CUX2: variants seen among roughly 807,000 people sequenced by gnomAD.
CUX2 encodes cut like homeobox 2.
Under a neutral mutation model 144.8 loss-of-function variants are expected in CUX2, and 40 were observed. The ratio of observed to expected loss-of-function variants is 0.28; its 90% CI spans 0.21 to 0.36. The LOEUF is 0.36. Among genes scored for constraint, CUX2 ranks in the 10% least tolerant of loss-of-function variants. The probability of loss-of-function intolerance (pLI) is 1.00; values close to 1 mark genes in which losing one functional copy is unlikely to be tolerated. For synonymous variants in CUX2, 827 were observed against 875.6 expected (o/e 0.94, Z 0.98); for missense variants, 1,615 against 1,994.0 (o/e 0.81, Z 3.62).
chr12:111,196,945 G>T (rs531323117), intron 1 of CUX2, among the ~76,000 whole-genome samples: 1 of 152,262 alleles, frequency 6.6e-6, no homozygotes, highest in South Asian at 2.1e-4. Flanking sequence ...TAGGCGTGGG[G>T]CTCAGGGACT....
At chr12:111,254,727 A>T (rs60829203) in intron 3 of CUX2, among the ~76,000 whole-genome samples, 2 of 152,190 alleles carry the variant, frequency 1.3e-5, no homozygotes, top group African/African-American at 4.8e-5. Flanking sequence ...ACCCCTAAGG[A>T]TTCAAAATGA....
At chr12:111,172,284 C>T (rs546391174) in intron 1 of CUX2, among the ~76,000 whole-genome samples, 2 of 152,312 alleles carry the variant, frequency 1.3e-5, no homozygotes, top group South Asian at 2.1e-4. Flanking sequence ...TAAAAATAAA[C>T]ATTAAACAAT....
intron 3 of CUX2, among the ~76,000 whole-genome samples, chr12:111,249,770 T>C (rs1236824429): frequency 6.6e-6 from 1 of 152,090 alleles, no homozygotes; most frequent in Non-Finnish European, 1.5e-5. Context: ...GACCCTATTT[T>C]TTAGAGCAGT....
intron 1 of CUX2, among the ~76,000 whole-genome samples, chr12:111,155,668 C>A (rs999705693): frequency 6.6e-6 from 1 of 152,214 alleles, no homozygotes; most frequent in Admixed American, 6.5e-5. Flanking sequence ...ACAGCTCTGA[C>A]TGCCCGATTC....
chr12:111,347,405 G>T (rs1888850439), intron 21 of CUX2, 119 bp from the exon 22 acceptor site: 1 of 867,398 alleles, frequency 1.2e-6, no homozygotes, highest in Non-Finnish European at 1.8e-6. Context: ...AAGTATGGAG[G>T]CTTAGTGCCT....
At chr12:111,177,868 C>G (rs1878948112) in intron 1 of CUX2, among the ~76,000 whole-genome samples, 1 of 152,226 alleles carries the variant, frequency 6.6e-6, no homozygotes. Context: ...GTTTCCTCAT[C>G]TCTATAATGG....
chr12:111,142,529 G>GAA (rs200266878), intron 1 of CUX2, among the ~76,000 whole-genome samples: 28 of 107,212 alleles, frequency 2.6e-4, no homozygotes, highest in Middle Eastern at 5.2e-3. Context: ...GTCAGGGAAG[G>GAA]AAAAAAAAAA....
chr12:111,259,051 G>GTA (rs1315093070), intron 3 of CUX2, among the ~76,000 whole-genome samples: 2 of 150,748 alleles, frequency 1.3e-5, no homozygotes, highest in Non-Finnish European at 3.0e-5. Flanking sequence ...GTGTGTGTGT[G>GTA]TGTGTGTGTG....
At chr12:111,049,209 C>T (rs1181957427) in intron 1 of CUX2, among the ~76,000 whole-genome samples, 2 of 150,936 alleles carry the variant, frequency 1.3e-5, no homozygotes, top group South Asian at 4.2e-4. Flanking sequence ...ATTCATCCAT[C>T]CACGAATTCA....
rs546028847 is a variant in CUX2 at position 111,223,174 on chromosome 12, A to C, written c.222+5237A>C. Among the ~76,000 whole-genome samples the C allele has an allele frequency of 2.6e-5, 4 of 152,248 alleles. No individual in the cohort carries two copies. In the East Asian group the frequency reaches 7.7e-4, roughly 29 times the overall value. On this transcript the variant is annotated intron_variant, in intron 3 of 21. Coordinates refer to ENST00000261726, the MANE Select transcript of CUX2 (RefSeq NM_015267.4). ...CTGTGTGAGGACTGTTGCAGATCCA[A>C]AGATGGTGAGACACCATCCCTGCCC...
At chr12:111,286,356 G>A (rs1156447563) in intron 4 of CUX2, among the ~76,000 whole-genome samples, 1 of 152,200 alleles carries the variant, frequency 6.6e-6, no homozygotes, top group Non-Finnish European at 1.5e-5. Context: ...CAAGAGGTTA[G>A]CTTGGCCAGT....
At chr12:111,128,858 T>G (rs553012602) in intron 1 of CUX2, among the ~76,000 whole-genome samples, 1 of 152,332 alleles carries the variant, frequency 6.6e-6, no homozygotes, top group South Asian at 2.1e-4. Flanking sequence ...CTGGGTCATA[T>G]GGCCCAAGCA....
intron 1 of CUX2, among the ~76,000 whole-genome samples, chr12:111,127,289 T>G (rs933663763): frequency 1.7e-4 from 26 of 152,366 alleles, no homozygotes; most frequent in African/African-American, 6.3e-4. Context: ...CCTGGGCAAG[T>G]GACCCAACTT....
chr12:111,104,157 A>G lies in CUX2; in HGVS notation c.63+69917A>G, dbSNP rs541615790. On this transcript the variant is annotated intron_variant, in intron 1 of 21. Transcript: ENST00000261726. The stretch of plus-strand genomic sequence containing the variant: ...ATTTTCTCTCTCTTGGGGCACAATC[A>G]TCTTTTTTATGTCTTCTAATTCCAG... 1.5e-3 allele frequency among the ~76,000 whole-genome samples: 229 copies of G among 152,268 alleles called. 1 individual carries two copies. The highest frequency in any genetic ancestry group is 5.3e-3 in the African/African-American group (221 of 41,554).
At chr12:111,296,576 G>A (rs570129285) in intron 8 of CUX2, 37 bp downstream of exon 8, 9 of 1,582,844 alleles carry the variant, frequency 5.7e-6, no homozygotes, top group East Asian at 2.3e-5. Flanking sequence ...TCCTCCCTTG[G>A]AGGCCTCCCA....
chr12:111,161,081 C>T (rs908547815), intron 1 of CUX2, among the ~76,000 whole-genome samples: 4 of 152,116 alleles, frequency 2.6e-5, no homozygotes, highest in East Asian at 1.9e-4. Flanking sequence ...TGACCACAGA[C>T]GGGGCAGACT....
At position 111,307,126 on chromosome 12, in the gene CUX2, A is replaced by G; in HGVS notation, c.1050+14A>G. 2 of 1,613,464 alleles carry G rather than the reference A, an allele frequency of 1.2e-6. No individual in the cohort carries two copies. Among genetic ancestry groups the G allele is most frequent in the Non-Finnish European group, 1.7e-6 (2 of 1,179,606 alleles). ...GAGGCCATAGAAGTGGGTCCTGGGGAGGAGGCAGGCGGGCAGGCGGCCCCA... is the reference window on the plus strand; with the variant it reads ...GAGGCCATAGAAGTGGGTCCTGGGGGGGAGGCAGGCGGGCAGGCGGCCCCA... On this transcript the variant is annotated intron_variant, in intron 11 of 21. Transcript: ENST00000261726. This position sits in a 1 kb window ranked among gnomAD's most constrained non-coding sequence, Gnocchi z 4.1.
intron 1 of CUX2, among the ~76,000 whole-genome samples, chr12:111,163,148 C>T (rs553973891): frequency 5.4e-4 from 82 of 152,208 alleles, no homozygotes; most frequent in African/African-American, 1.9e-3. Context: ...CTCCTAACCT[C>T]TTCATGCCTC....
At chr12:111,051,286 T>A (rs1050643989) in intron 1 of CUX2, among the ~76,000 whole-genome samples, 20 of 152,168 alleles carry the variant, frequency 1.3e-4, no homozygotes, top group Non-Finnish European at 2.9e-4. Flanking sequence ...TATTTTCTTG[T>A]TGATTTTCTG....
Sources: gnomAD v4.1 joint callset for allele counts (sites outside exome capture counted in the v4.1 genomes callset) on GRCh38, gnomAD v4.1.1 for gene constraint, Gnocchi (gnomAD v3.1) non-coding constraint, MANE v1.5 for transcripts, NCBI Gene and HGNC (gene_info 2026-07-23, HGNC 2026-07-21) for gene names.